CYP4F12: variants seen among roughly 807,000 people sequenced by gnomAD.
CYP4F12 encodes the protein cytochrome P450 4F12.
Under a neutral mutation model 56.5 loss-of-function variants are expected in CYP4F12, and 60 were observed. That is an observed-to-expected ratio of 1.06 (90% CI 0.86 to 1.32). The LOEUF (loss-of-function observed/expected upper bound fraction) is 1.32, where lower values mean the gene tolerates loss of function less well. CYP4F12 is among the 40% of genes most tolerant of loss of function. CYP4F12 has a pLI of 0.00. For missense variants in CYP4F12, 711 were observed against 683.5 expected, an observed-to-expected ratio of 1.04 and a Z score of -0.45; for synonymous variants, 263 against 264.9, an observed-to-expected ratio of 0.99 and a Z score of 0.07.
intron 7 of CYP4F12, 32 bp from the exon 8 acceptor site, chr19:15,684,756 TTGTGTGTGTGTGTGTGTGTGTGTGTGTG>T: frequency 2.9e-6 from 3 of 1,042,944 alleles, no homozygotes; most frequent in Non-Finnish European, 1.4e-6. Flanking sequence ...ATAGTATAAT[TTGTGTGTGTGTGTGTGTGTGTGTGTGTG>T]TGTGTGTGTG....
At chr19:15,686,460 G>C (rs961703311) in intron 9 of CYP4F12, among the ~76,000 whole-genome samples, 1 of 151,982 alleles carries the variant, frequency 6.6e-6, no homozygotes, top group Non-Finnish European at 1.5e-5. Context: ...GTCAGGGAAG[G>C]AGATGGTTAT....
intron 12 of CYP4F12, among the ~76,000 whole-genome samples, 169 bp downstream of exon 12, chr19:15,696,681 G>T (rs74680926): frequency 0.089 from 13,601 of 152,274 alleles, 1,592 homozygotes; most frequent in East Asian, 0.57. Flanking sequence ...GGGGTCCGCG[G>T]AGTGCTCAAA....
intron 2 of CYP4F12, among the ~76,000 whole-genome samples, chr19:15,677,732 CCTCA>C (rs368158938): frequency 4.1e-5 from 1 of 24,210 alleles, no homozygotes; most frequent in African/African-American, 1.5e-4. Flanking sequence ...TCATTCCTCT[CCTCA>C]CTCACTCATT....
At chr19:15,675,955 G>T (rs1346373242) in intron 2 of CYP4F12, among the ~76,000 whole-genome samples, 1 of 152,154 alleles carries the variant, frequency 6.6e-6, no homozygotes, top group Admixed American at 6.5e-5. Flanking sequence ...ATGTGATGAT[G>T]GAGGCCAAGA....
chr19:15,681,340 T>C (rs773020043), intron 5 of CYP4F12: 2 of 152,198 alleles, frequency 1.3e-5, no homozygotes, highest in African/African-American at 4.8e-5. Context: ...AAGTGAAGAA[T>C]TGGGGGTCAG....
At position 15,697,045 on chromosome 19, in the gene CYP4F12, T is replaced by C; in HGVS notation, c.1535T>C (p.Leu512Pro). 1 of 1,614,112 alleles carries C rather than the reference T, an allele frequency of 6.2e-7. No individual in the cohort carries two copies. Among genetic ancestry groups the C allele is most frequent in the Non-Finnish European group, 8.5e-7 (1 of 1,179,930 alleles). The change falls in exon 13 of 13, where the codon CTT becomes CCT. Residue 512 changes from leucine to proline, a missense_variant. Physicochemically the swap from Leu to Pro is moderately conservative, Grantham distance 98. Coordinates refer to ENST00000550308, the MANE Select transcript of CYP4F12 (RefSeq NM_023944.4). ...TTGATCATGCGCGCCGAGGGCGGGC[T>C]TTGGCTGCGGGTGGAGCCCCTGAAT... The part of the protein sequence containing the change: ...LELIMRAEGG[L>P]WLRVEPLNVS...
intron 2 of CYP4F12, among the ~76,000 whole-genome samples, chr19:15,674,712 C>G (rs796308351): frequency 7.0e-4 from 17 of 24,158 alleles, no homozygotes; most frequent in African/African-American, 1.5e-3. Context: ...TTCCTCTACC[C>G]ACCGACTCAT....
chr19:15,691,580 A>G (rs2007870058), intron 9 of CYP4F12, among the ~76,000 whole-genome samples: 1 of 152,152 alleles, frequency 6.6e-6, no homozygotes, highest in Non-Finnish European at 1.5e-5. Flanking sequence ...TCCTTTGCCC[A>G]AGTTGATAAG....
Position 15,697,162 on chromosome 19 carries a change from T to G in CYP4F12, c.*77T>G. The stretch of plus-strand genomic sequence containing the variant: ...GCTGTCACCTCTGCCTGGGCCTCAC[T>G]GACAGCCTGCAGGGGGCTCTTGGGG... On this transcript the variant is annotated 3_prime_UTR_variant, in exon 13 of 13. Coordinates refer to ENST00000550308, the MANE Select transcript of CYP4F12 (RefSeq NM_023944.4). 1 of 1,533,768 alleles carries G rather than the reference T, an allele frequency of 6.5e-7. No homozygotes were observed. The highest frequency in any genetic ancestry group is 1.9e-5 in the Admixed American group (1 of 53,920).
intron 9 of CYP4F12, 78 bp downstream of exon 9, chr19:15,685,275 G>GT: frequency 6.4e-7 from 1 of 1,553,000 alleles, no homozygotes; most frequent in Non-Finnish European, 8.7e-7. Flanking sequence ...TGGAGGAGTT[G>GT]TTTTGTGGAT....
chr19:15,693,032 T>C (rs541526646), intron 9 of CYP4F12, among the ~76,000 whole-genome samples: 35 of 152,198 alleles, frequency 2.3e-4, no homozygotes, highest in African/African-American at 7.9e-4. Flanking sequence ...GAGACAAGAT[T>C]GTGTCACTGC....
chr19:15,680,767 A>C (rs561192990), intron 5 of CYP4F12: 1 of 532,126 alleles, frequency 1.9e-6, no homozygotes, highest in African/African-American at 1.9e-5. Context: ...TAAACTCAAG[A>C]GAGTAAAAAT....
intron 9 of CYP4F12, among the ~76,000 whole-genome samples, chr19:15,689,678 A>G (rs988187667): frequency 1.3e-5 from 2 of 152,254 alleles, no homozygotes; most frequent in Non-Finnish European, 2.9e-5. Context: ...ACAATTCACA[A>G]TTGTAAAGGT....
intron 5 of CYP4F12, chr19:15,680,787 G>T: frequency 2.1e-6 from 1 of 487,372 alleles, no homozygotes; most frequent in Non-Finnish European, 3.7e-6. Context: ...TGAAGATTGT[G>T]TAGTAGTCAT....
At chr19:15,693,940 C>T (rs12986015) in intron 9 of CYP4F12, among the ~76,000 whole-genome samples, 70,887 of 130,002 alleles carry the variant, frequency 0.55, 20,887 homozygotes, top group East Asian at 0.71. Flanking sequence ...ATTTATTAAA[C>T]AGGGAATCCT....
intron 3 of CYP4F12, among the ~76,000 whole-genome samples, chr19:15,678,760 T>C (rs1040653769): frequency 1.3e-5 from 2 of 152,166 alleles, no homozygotes; most frequent in Non-Finnish European, 2.9e-5. Context: ...GGAAGAGTTG[T>C]TGGAGCTATG....
Position 15,680,532 on chromosome 19 carries a change from AAGTCTGGGTCCCAGATGG to A in CYP4F12, c.525+19_525+36del. 6.2e-7 allele frequency: 1 copy of A among 1,613,970 alleles called. No individual in the cohort carries two copies. Among genetic ancestry groups the A allele is most frequent in the Non-Finnish European group, 8.5e-7 (1 of 1,179,980 alleles). ...AAACATCATGCTTGTGAGTCCCTTG[AAGTCTGGGTCCCAGATGG>A]AGTCTTGGGGTGGAGGGACCATGGA... On this transcript the variant is annotated intron_variant, in intron 5 of 12. Transcript: ENST00000550308.
chr19:15,676,898 CACTCATTCCTCTCCTCACTT>C lies in CYP4F12; in HGVS notation c.199-1348_199-1329del. Among the ~76,000 whole-genome samples, 2 of 41,312 alleles carry C rather than the reference CACTCATTCCTCTCCTCACTT, an allele frequency of 4.8e-5. 1 individual carries two copies. The highest frequency in any genetic ancestry group is 1.6e-4 in the African/African-American group (2 of 12,298). The allele number at this position is 41,312 out of a possible 152,430, so 27.1% of individuals were successfully genotyped here. On this transcript the variant is annotated intron_variant, in intron 2 of 12. Coordinates refer to ENST00000550308, the MANE Select transcript of CYP4F12 (RefSeq NM_023944.4). ...CCACTCACTCATTCCTCTCCTCACT[CACTCATTCCTCTCCTCACTT>C]ACTCATTCCTCTCCCCACTCACTCA...
chr19:15,673,152 G>A lies in CYP4F12; in HGVS notation c.-2+17G>A. On this transcript the variant is annotated intron_variant, in intron 1 of 12. Coordinates refer to ENST00000550308, the MANE Select transcript of CYP4F12 (RefSeq NM_023944.4). ...CGACAGAAGGTACCAGGCTGGGGGT[G>A]GCAGGGCTGGAAGGTCCTGGCCTGG... 1 of 462,272 alleles carries A rather than the reference G, an allele frequency of 2.2e-6. No individual in the cohort carries two copies. The highest frequency in any genetic ancestry group is 2.4e-5 in the Admixed American group (1 of 40,888). The allele number at this position is 462,272 out of a possible 1,614,324, so 28.6% of individuals were successfully genotyped here. A position where few individuals can be genotyped will look rare whatever the true frequency, so the allele number is the denominator to read the frequency against.
Sources: gnomAD v4.1 joint callset for allele counts (sites outside exome capture counted in the v4.1 genomes callset) on GRCh38, gnomAD v4.1.1 for gene constraint, MANE v1.5 for transcripts, NCBI Gene and HGNC (gene_info 2026-07-23, HGNC 2026-07-21) for gene names.